The following GBA1 variants were observed in gnomAD, a reference collection of about 807,000 sequenced individuals.
The protein encoded by GBA1 is glucosylceramidase beta 1, also known as lysosomal acid glucosylceramidase.
chr1:155,240,004 G>A, the GBA1 span: 2 of 1,614,104 alleles, frequency 1.2e-6, no homozygotes, highest in East Asian at 4.5e-5. Context: ...GGTCAAAGGA[G>A]TCACAGTATG....
chr1:155,237,788 G>A, the GBA1 span: 1 of 1,033,394 alleles, frequency 9.7e-7, no homozygotes, highest in Admixed American at 2.3e-5. Flanking sequence ...TATAATCCCA[G>A]CTACTTGGAA....
the GBA1 span, among the ~76,000 whole-genome samples, chr1:155,243,294 G>A: frequency 6.6e-5 from 10 of 152,178 alleles, no homozygotes; most frequent in African/African-American, 2.4e-4. Flanking sequence ...GTTCTGGGTA[G>A]GGCAGGTAAT....
the GBA1 span, among the ~76,000 whole-genome samples, chr1:155,237,047 T>C: frequency 6.6e-6 from 1 of 151,686 alleles, no homozygotes; most frequent in South Asian, 2.1e-4. Flanking sequence ...TTTTTTTGTA[T>C]TTTAGTAGAC....
At chr1:155,242,940 C>T in the GBA1 span, among the ~76,000 whole-genome samples, 3 of 152,192 alleles carry the variant, frequency 2.0e-5, no homozygotes, top group African/African-American at 7.2e-5. Flanking sequence ...GTTTGGAATC[C>T]TGGCTACACC....
the GBA1 span, chr1:155,241,423 A>G: frequency 2.1e-6 from 1 of 481,240 alleles, no homozygotes; most frequent in Non-Finnish European, 3.7e-6. Flanking sequence ...GGAAGAGCCT[A>G]GAACACAGAT....
At chr1:155,240,380 C>A in the GBA1 span, 1 of 605,734 alleles carries the variant, frequency 1.7e-6, no homozygotes, top group South Asian at 2.0e-5. Context: ...AAGAGAATCG[C>A]TTGAATCTGG....
At chr1:155,236,519 A>T in the GBA1 span, 1 of 1,418,404 alleles carries the variant, frequency 7.1e-7, no homozygotes, top group Non-Finnish European at 9.9e-7. Context: ...GGCTTCTGGA[A>T]CTTCTAGTTC....
At chr1:155,242,621 T>C in the GBA1 span, among the ~76,000 whole-genome samples, 1 of 142,262 alleles carries the variant, frequency 7.0e-6, no homozygotes, top group Non-Finnish European at 1.5e-5. Flanking sequence ...CTCCAGTAAT[T>C]TTTTTTTTTT....
the GBA1 span, chr1:155,237,722 C>T: frequency 5.9e-6 from 9 of 1,513,238 alleles, no homozygotes; most frequent in African/African-American, 1.4e-5. Context: ...AACAGCCTGG[C>T]GAAACCCCGT....
At chr1:155,239,994 G>T in the GBA1 span, 1 of 1,614,094 alleles carries the variant, frequency 6.2e-7, no homozygotes, top group Non-Finnish European at 8.5e-7. Flanking sequence ...AAGGTCGGGG[G>T]GTCAAAGGAG....
At chr1:155,236,487 C>T in the GBA1 span, 3 of 1,591,548 alleles carry the variant, frequency 1.9e-6, no homozygotes, top group South Asian at 1.1e-5. Context: ...GGAAGAGCAA[C>T]TGATCCTGGA....
chr1:155,243,611 C>T, the GBA1 span, among the ~76,000 whole-genome samples: 1 of 152,098 alleles, frequency 6.6e-6, no homozygotes, highest in Non-Finnish European at 1.5e-5. Flanking sequence ...ACTATAGGCG[C>T]ACACCACCAC....
the GBA1 span, chr1:155,244,460 G>T: frequency 1.3e-5 from 2 of 152,180 alleles, no homozygotes; most frequent in African/African-American, 4.8e-5. Context: ...CGAACGCAGG[G>T]AGGGGACAGC....
chr1:155,237,608 G>T, the GBA1 span: 1 of 1,612,140 alleles, frequency 6.2e-7, no homozygotes, highest in Non-Finnish European at 8.5e-7. Context: ...GAATGATCCG[G>T]CCAAGAAAGT....
At chr1:155,236,130 C>CA in the GBA1 span, 1 of 973,686 alleles carries the variant, frequency 1.0e-6, no homozygotes, top group African/African-American at 1.6e-5. Flanking sequence ...CAGAGTTGCT[C>CA]AAAAGGGCAG....
the GBA1 span, among the ~76,000 whole-genome samples, chr1:155,243,174 C>A: frequency 3.3e-5 from 5 of 152,146 alleles, no homozygotes; most frequent in Non-Finnish European, 5.9e-5. Context: ...TCGTAGATAG[C>A]CTGGCACAGG....
At chr1:155,240,408 G>C in the GBA1 span, 1 of 614,918 alleles carries the variant, frequency 1.6e-6, no homozygotes, top group South Asian at 1.9e-5. Flanking sequence ...AGGTTGGAAT[G>C]AGCCAAAATT....
At chr1:155,238,042 C>A in the GBA1 span, 1 of 1,369,374 alleles carries the variant, frequency 7.3e-7, no homozygotes, top group Non-Finnish European at 1.0e-6. Flanking sequence ...ACAGGCAGAT[C>A]TGGAAGTGGA....
At chr1:155,236,592 T>A in the GBA1 span, 1 of 807,548 alleles carries the variant, frequency 1.2e-6, no homozygotes, top group Non-Finnish European at 2.1e-6. Context: ...TTGGGGAGAT[T>A]TTTTTTTGTT....
Sources: gnomAD v4.1 joint callset for allele counts (sites outside exome capture counted in the v4.1 genomes callset) on GRCh38, gnomAD v4.1.1 for gene constraint, MANE v1.5 for transcripts, NCBI Gene and HGNC (gene_info 2026-07-23, HGNC 2026-07-21) for gene names.